Variants in MPV17 observed in about 807,000 individuals in gnomAD.
MPV17 encodes the protein mitochondrial inner membrane protein MPV17.
MPV17 carries 31 observed loss-of-function variants against 28.6 expected under a neutral mutation model. That is an observed-to-expected ratio of 1.08 (90% CI 0.81 to 1.46). The LOEUF (loss-of-function observed/expected upper bound fraction) is 1.46. Among genes scored for constraint, MPV17 ranks in the 40% most tolerant of loss-of-function variants. The pLI, the probability that MPV17 is intolerant of heterozygous loss-of-function variation, is 0.00. For synonymous variants in MPV17, 87 were observed against 85.3 expected (o/e 1.02, Z -0.11); for missense variants, 198 against 216.2 (o/e 0.92, Z 0.53).
rs1221093996 is a variant in MPV17 at position 27,309,500 on chromosome 2, TACATATTTAATA to T, written c.*400_*411del. 1.7e-5 allele frequency: 5 copies of T among 288,900 alleles called. 1 individual carries two copies. The East Asian group carries it at 2.5e-4, about 14-fold the overall frequency. The allele number at this position is 288,900 out of a possible 1,614,324, so 17.9% of individuals were successfully genotyped here. ...CTCATTACCACTGCAGATTCCGGAT[TACATATTTAATA>T]ACATATTTACTGAGGCACCATATAA... On this transcript the variant is annotated 3_prime_UTR_variant, in exon 8 of 8. Transcript: ENST00000380044.
At position 27,309,675 on chromosome 2, in the gene MPV17, C is replaced by T. The variant is rs757583837; in HGVS notation, c.*237G>A. ...TAAAGTTGATAAGGTCATGAAGGTT[C>T]AACAGATATTTATGGAGTGCCTAGT... On this transcript the variant is annotated 3_prime_UTR_variant, in exon 8 of 8. Coordinates refer to ENST00000380044, the MANE Select transcript of MPV17 (RefSeq NM_002437.5). The T allele has an allele frequency of 8.1e-6, 5 of 618,668 alleles. No individual in the cohort carries two copies. Among genetic ancestry groups the T allele is most frequent in the Admixed American group, 2.6e-5 (1 of 37,808 alleles). 38.3% of individuals were successfully genotyped at this position (618,668 alleles called of 1,614,324 possible).
Position 27,322,070 on chromosome 2 carries a change from G to C in MPV17, c.70+378C>G, listed in dbSNP as rs964867470. ...TAGGTGTGATCTAATGTGGACTCAA[G>C]TAACCCTCCTAGCTCACACACCTTT... On this transcript the variant is annotated intron_variant, in intron 2 of 7. Coordinates refer to ENST00000380044, the MANE Select transcript of MPV17 (RefSeq NM_002437.5). 3.0e-4 allele frequency: 88 copies of C among 297,180 alleles called. No homozygotes were observed. In the Admixed American group the frequency reaches 4.1e-3, roughly 14 times the overall value. 18.4% of individuals were successfully genotyped at this position (297,180 alleles called of 1,614,324 possible).
chr2:27,315,233 T>C (rs1679606223), intron 2 of MPV17, among the ~76,000 whole-genome samples: 1 of 152,066 alleles, frequency 6.6e-6, no homozygotes, highest in African/African-American at 2.4e-5. Flanking sequence ...TGAGAAAGGG[T>C]CTGAAGAATT....
chr2:27,311,680 AG>A (rs1368002054), intron 7 of MPV17: 6 of 1,550,960 alleles, frequency 3.9e-6, no homozygotes, highest in Admixed American at 2.0e-5. Flanking sequence ...GATCCTCCCT[AG>A]GGAGATGAAG....
chr2:27,310,035 G>A, intron 7 of MPV17, 54 bp from the exon 8 acceptor site: 1 of 1,349,482 alleles, frequency 7.4e-7, no homozygotes, highest in South Asian at 1.2e-5. Context: ...AGTGAGCAAG[G>A]GCTGGAGATG....
rs1679706410 is a variant in MPV17 at position 27,317,682 on chromosome 2, AAG to A, written c.71-4575_71-4574del. 6.6e-6 allele frequency among the ~76,000 whole-genome samples: 1 copy of A among 152,192 alleles called. No homozygotes were observed. Among genetic ancestry groups the A allele is most frequent in the Non-Finnish European group, 1.5e-5 (1 of 68,032 alleles). On this transcript the variant is annotated intron_variant, in intron 2 of 7. Coordinates refer to ENST00000380044, the MANE Select transcript of MPV17 (RefSeq NM_002437.5). This position sits in a 1 kb window ranked among gnomAD's most constrained non-coding sequence, Gnocchi z 4.0. ...AGACTCCAGGGAAACCAGTATTTGT[AAG>A]AGCTCAGCTGCTCCCACAGCAGGAC...
chr2:27,310,007 AGAG>A, intron 7 of MPV17, 26 bp from the exon 8 acceptor site: 1 of 1,586,392 alleles, frequency 6.3e-7, no homozygotes, highest in South Asian at 1.1e-5. Flanking sequence ...AACACAATGA[AGAG>A]GAGGAAGGCT....
chr2:27,321,527 C>T (rs976993917), intron 2 of MPV17, among the ~76,000 whole-genome samples: 3 of 152,202 alleles, frequency 2.0e-5, no homozygotes, highest in African/African-American at 7.2e-5. Context: ...AATCCTGTTC[C>T]CCTTCTCTAA....
At position 27,309,743 on chromosome 2, in the gene MPV17, C is replaced by T; in HGVS notation, c.*169G>A. Reference sequence around the variant, plus strand: ...CTATTATCAAGGGCTCTAAAGCAGTCAGTGTACATTTTAGAGTGAAGAGGG... The same window carrying T: ...CTATTATCAAGGGCTCTAAAGCAGTTAGTGTACATTTTAGAGTGAAGAGGG... On this transcript the variant is annotated 3_prime_UTR_variant, in exon 8 of 8. Coordinates refer to ENST00000380044, the MANE Select transcript of MPV17 (RefSeq NM_002437.5). 1.4e-6 allele frequency: 1 copy of T among 690,752 alleles called. No homozygotes were observed. Among genetic ancestry groups the T allele is most frequent in the Non-Finnish European group, 2.7e-6 (1 of 370,512 alleles). 42.8% of individuals were successfully genotyped at this position (690,752 alleles called of 1,614,324 possible).
intron 2 of MPV17, among the ~76,000 whole-genome samples, chr2:27,318,895 G>T (rs529711705): frequency 6.6e-6 from 1 of 151,616 alleles, no homozygotes; most frequent in South Asian, 2.1e-4. Flanking sequence ...CTCCCGAGTA[G>T]CTGGGATTAC....
At position 27,317,146 on chromosome 2, in the gene MPV17, A is replaced by G; in HGVS notation, c.71-4037T>C. On this transcript the variant is annotated intron_variant, in intron 2 of 7. Coordinates refer to ENST00000380044, the MANE Select transcript of MPV17 (RefSeq NM_002437.5). This position sits in a 1 kb window ranked among gnomAD's most constrained non-coding sequence, Gnocchi z 4.0. Reference sequence around the variant, plus strand: ...GAAGTGGCTTCTTGGAGTGAGGAGCAGGAAGCGTGTCCTTCAGTCCAGGAG... The same window carrying G: ...GAAGTGGCTTCTTGGAGTGAGGAGCGGGAAGCGTGTCCTTCAGTCCAGGAG... The G allele has an allele frequency of 1.9e-6, 3 of 1,550,376 alleles. No homozygotes were observed. Among genetic ancestry groups the G allele is most frequent in the Non-Finnish European group, 2.6e-6 (3 of 1,146,958 alleles).
rs192497751 is a variant in MPV17, at chr2:27,312,015, G to C, written c.409-64C>G. 11 of 1,585,218 alleles carry C rather than the reference G, an allele frequency of 6.9e-6. 1 individual carries two copies. In the African/African-American group the frequency reaches 1.1e-4, roughly 15 times the overall value. ...CACCTGACCCCAGACTCACTGTCTTGCCTGGCCCTACCCCAACTTCTGCAC... is the reference window on the plus strand; with the variant it reads ...CACCTGACCCCAGACTCACTGTCTTCCCTGGCCCTACCCCAACTTCTGCAC... On this transcript the variant is annotated intron_variant, in intron 6 of 7. Transcript: ENST00000380044.
intron 2 of MPV17, chr2:27,313,527 A>T (rs550340593): frequency 2.5e-6 from 1 of 393,808 alleles, no homozygotes; most frequent in East Asian, 5.4e-5. Flanking sequence ...ATAACCAGTA[A>T]GTGCAGGGCC....
At chr2:27,318,931 A>G (rs1476139920) in intron 2 of MPV17, among the ~76,000 whole-genome samples, 1 of 150,562 alleles carries the variant, frequency 6.6e-6, no homozygotes, top group Non-Finnish European at 1.5e-5. Flanking sequence ...TGCCCAGCTA[A>G]TTTTTGTATT....
At chr2:27,319,170 T>C (rs1679764707) in intron 2 of MPV17, among the ~76,000 whole-genome samples, 1 of 151,994 alleles carries the variant, frequency 6.6e-6, no homozygotes, top group Admixed American at 6.6e-5. Context: ...GCTCTCCCTC[T>C]TTCCCTCCAT....
At chr2:27,318,470 G>A (rs1162728000) in intron 2 of MPV17, among the ~76,000 whole-genome samples, 1 of 151,918 alleles carries the variant, frequency 6.6e-6, no homozygotes, top group Non-Finnish European at 1.5e-5. Context: ...CAATTCTCCT[G>A]CCTCAGCCTC....
chr2:27,322,590 T>C lies in MPV17; in HGVS notation c.-5-68A>G, dbSNP rs1180963220. 11 of 1,301,778 alleles carry C rather than the reference T, an allele frequency of 8.4e-6. No homozygotes were observed. The African/African-American group carries it at 1.6e-4, about 19-fold the overall frequency. 80.6% of individuals were successfully genotyped at this position (1,301,778 alleles called of 1,614,324 possible). A position where few individuals can be genotyped will look rare whatever the true frequency, so the allele number is the denominator to read the frequency against. On this transcript the variant is annotated intron_variant, in intron 1 of 7. Transcript: ENST00000380044. ...TCCACGACTAAGAAGCCGCCTGACA[T>C]TCCCTTGTGCCCACTCCCTTCCCCT...
chr2:27,313,873 G>A (rs1679551978), intron 2 of MPV17, among the ~76,000 whole-genome samples: 1 of 152,028 alleles, frequency 6.6e-6, no homozygotes, highest in South Asian at 2.1e-4. Flanking sequence ...CACCATGCCT[G>A]GCTATTTTTT....
chr2:27,317,255 C>A lies in MPV17; in HGVS notation c.71-4146G>T. On this transcript the variant is annotated intron_variant, in intron 2 of 7. Transcript: ENST00000380044. This position sits in a 1 kb window ranked among gnomAD's most constrained non-coding sequence, Gnocchi z 4.0. The stretch of plus-strand genomic sequence containing the variant: ...GAAGTCTGCAAACATTAGTTAGCTG[C>A]CTAGGATAGGGGCTCAGTCTGGCAC... 1 of 1,529,610 alleles carries A rather than the reference C, an allele frequency of 6.5e-7. No homozygotes were observed. The highest frequency in any genetic ancestry group is 2.1e-5 in the Admixed American group (1 of 48,202). 94.8% of individuals were successfully genotyped at this position (1,529,610 alleles called of 1,614,324 possible). A position where few individuals can be genotyped will look rare whatever the true frequency, so the allele number is the denominator to read the frequency against.
Sources: allele counts gnomAD v4.1 joint callset (sites outside exome capture counted in the v4.1 genomes callset), GRCh38; gene constraint gnomAD v4.1.1; non-coding constraint Gnocchi (gnomAD v3.1); transcripts MANE v1.5; gene names NCBI Gene and HGNC (gene_info 2026-07-23, HGNC 2026-07-21).